Variants in SAMD5 observed in about 807,000 individuals in gnomAD.
SAMD5 encodes the protein sterile alpha motif domain-containing protein 5.
Under a neutral mutation model 11.3 loss-of-function variants are expected in SAMD5, and 13 were observed. The ratio of observed to expected loss-of-function variants is 1.15; its 90% CI spans 0.75 to 1.83. SAMD5 has a LOEUF of 1.83. Among genes scored for constraint, SAMD5 ranks in the 40% most tolerant of loss-of-function variants. The probability of loss-of-function intolerance (pLI) is 0.00; values close to 1 mark genes in which losing one functional copy is unlikely to be tolerated. For missense variants in SAMD5, 255 were observed against 239.1 expected (o/e 1.07, Z -0.44); for synonymous variants, 129 against 111.3 (o/e 1.16, Z -1.00).
At chr6:147,688,442 G>T (rs898358560) in intron 1 of SAMD5, among the ~76,000 whole-genome samples, 1 of 152,152 alleles carries the variant, frequency 6.6e-6, no homozygotes, top group Non-Finnish European at 1.5e-5. Flanking sequence ...CAGCACTTAG[G>T]ATAAAGGAGA....
At chr6:147,654,915 G>A (rs182432544) in intron 1 of SAMD5, among the ~76,000 whole-genome samples, 1 of 152,132 alleles carries the variant, frequency 6.6e-6, no homozygotes, top group African/African-American at 2.4e-5. Context: ...CTGGGGATTG[G>A]TGGCAGGCAC....
intron 1 of SAMD5, among the ~76,000 whole-genome samples, chr6:147,641,057 G>A (rs1362627804): frequency 7.2e-5 from 11 of 152,142 alleles, no homozygotes; most frequent in Non-Finnish European, 1.5e-4. Flanking sequence ...ACATCCAGTA[G>A]ACGTTAACAA....
At chr6:147,901,796 T>C in the SAMD5 span, among the ~76,000 whole-genome samples, 1 of 152,170 alleles carries the variant, frequency 6.6e-6, no homozygotes, top group African/African-American at 2.4e-5. Context: ...GGTAGAATAT[T>C]ATTAAGCAAC....
At chr6:147,789,405 C>T in the SAMD5 span, among the ~76,000 whole-genome samples, 1 of 151,986 alleles carries the variant, frequency 6.6e-6, no homozygotes, top group Admixed American at 6.6e-5. Flanking sequence ...ATGCTTCTGC[C>T]ATCTCCCTGC....
At chr6:147,840,486 C>G in the SAMD5 span, among the ~76,000 whole-genome samples, 1 of 152,122 alleles carries the variant, frequency 6.6e-6, no homozygotes, top group Non-Finnish European at 1.5e-5. Flanking sequence ...CAAACATAGA[C>G]AATTAGACTT....
downstream of SAMD5, among the ~76,000 whole-genome samples, chr6:147,741,024 T>G (rs558730536): frequency 6.6e-6 from 1 of 152,324 alleles, no homozygotes; most frequent in South Asian, 2.1e-4. Flanking sequence ...AGACTTTTTC[T>G]TCAGGTATAC....
intron 1 of SAMD5, among the ~76,000 whole-genome samples, chr6:147,576,484 C>T (rs1789219224): frequency 6.6e-6 from 1 of 152,108 alleles, no homozygotes; most frequent in African/African-American, 2.4e-5. Flanking sequence ...TTTAGACTTC[C>T]ATTCCTTTAT....
At chr6:147,598,997 A>G (rs1385384482) in intron 1 of SAMD5, among the ~76,000 whole-genome samples, 1 of 152,228 alleles carries the variant, frequency 6.6e-6, no homozygotes. Context: ...ATGAACGCTG[A>G]CACTGTGTCA....
In SAMD5 at chr6:147,564,826, G is replaced by T; in HGVS notation, c.*370G>T. The T allele has an allele frequency of 1.0e-6, 1 of 974,990 alleles. No individual in the cohort carries two copies. The highest frequency in any genetic ancestry group is 1.2e-6 in the Non-Finnish European group (1 of 818,880). The allele number at this position is 974,990 out of a possible 1,614,324, so 60.4% of individuals were successfully genotyped here. On this transcript the variant is annotated 3_prime_UTR_variant, in exon 2 of 2. Coordinates refer to ENST00000367474, the MANE Select transcript of SAMD5 (RefSeq NM_001030060.3). ...TAGTTTAAGTACAATATAACAAAAA[G>T]GTAGATTTCTGACAGTAAGTAGTAA...
the SAMD5 span, among the ~76,000 whole-genome samples, chr6:147,811,301 A>G: frequency 6.6e-6 from 1 of 152,250 alleles, no homozygotes; most frequent in African/African-American, 2.4e-5. Flanking sequence ...TAATATAAAT[A>G]AAAGTGTAGT....
chr6:147,849,404 T>G, the SAMD5 span, among the ~76,000 whole-genome samples: 7 of 152,162 alleles, frequency 4.6e-5, no homozygotes, highest in Non-Finnish European at 8.8e-5. Flanking sequence ...CTAGTAGATA[T>G]GCCAGTTTTT....
At chr6:147,811,572 CAAG>C in the SAMD5 span, among the ~76,000 whole-genome samples, 1 of 151,930 alleles carries the variant, frequency 6.6e-6, no homozygotes, top group African/African-American at 2.4e-5. Flanking sequence ...CAGGGCACAA[CAAG>C]GAGGCAGTTG....
intron 1 of SAMD5, among the ~76,000 whole-genome samples, chr6:147,652,448 A>G (rs538758975): frequency 6.6e-6 from 1 of 152,352 alleles, no homozygotes; most frequent in East Asian, 1.9e-4. Flanking sequence ...CTGTAATGCT[A>G]TTGAACCAAA....
intron 1 of SAMD5, among the ~76,000 whole-genome samples, chr6:147,624,659 C>T (rs1790024372): frequency 6.6e-6 from 1 of 152,072 alleles, no homozygotes; most frequent in Non-Finnish European, 1.5e-5. Flanking sequence ...GCTGGTTCCA[C>T]ATTTTTGCAA....
At chr6:147,654,224 G>A (rs546200271) in intron 1 of SAMD5, among the ~76,000 whole-genome samples, 1 of 152,274 alleles carries the variant, frequency 6.6e-6, no homozygotes, top group South Asian at 2.1e-4. Context: ...GGAAGACATT[G>A]TCATGGTCTG....
chr6:147,558,295 A>C (rs1193114181), intron 1 of SAMD5, among the ~76,000 whole-genome samples: 1 of 152,192 alleles, frequency 6.6e-6, no homozygotes. Context: ...AGAGCCAGGC[A>C]ACAGAAGTGT....
At chr6:147,511,359 A>G in intron 1 of SAMD5, among the ~76,000 whole-genome samples, 1 of 152,258 alleles carries the variant, frequency 6.6e-6, no homozygotes, top group East Asian at 1.9e-4. Flanking sequence ...TCCTGCCTAG[A>G]TCAGTGGGTG....
chr6:147,915,084 CA>C, the SAMD5 span, among the ~76,000 whole-genome samples: 1 of 152,064 alleles, frequency 6.6e-6, no homozygotes, highest in Non-Finnish European at 1.5e-5. Context: ...CCGAAAAGGA[CA>C]TTATTGAGTC....
the SAMD5 span, among the ~76,000 whole-genome samples, chr6:147,777,986 G>C: frequency 6.6e-6 from 1 of 152,116 alleles, no homozygotes; most frequent in East Asian, 1.9e-4. Context: ...TGTATAAATG[G>C]AGTAGAATTA....
Sources: gnomAD v4.1 joint callset for allele counts (sites outside exome capture counted in the v4.1 genomes callset) on GRCh38, gnomAD v4.1.1 for gene constraint, MANE v1.5 for transcripts, NCBI Gene and HGNC (gene_info 2026-07-23, HGNC 2026-07-21) for gene names.